Variants in TMEM39A observed in about 807,000 individuals in gnomAD.
TMEM39A encodes the protein transmembrane protein 39A.
TMEM39A carries 19 observed loss-of-function variants against 51.9 expected under a neutral mutation model. That is an observed-to-expected ratio of 0.37 (90% CI 0.26 to 0.54). The LOEUF is 0.54. TMEM39A is among the 20% of genes least tolerant of loss of function. The probability of loss-of-function intolerance (pLI) is 0.88; values close to 1 mark genes in which losing one functional copy is unlikely to be tolerated. For synonymous variants in TMEM39A, 197 were observed against 220.2 expected (o/e 0.89, Z 0.93); for missense variants, 433 against 590.5 (o/e 0.73, Z 2.76).
chr3:119,455,317 G>C (rs2081250312), intron 3 of TMEM39A, among the ~76,000 whole-genome samples: 2 of 152,064 alleles, frequency 1.3e-5, no homozygotes, highest in Non-Finnish European at 2.9e-5. Flanking sequence ...CAGATTCATG[G>C]GCTAAACTCT....
Position 119,434,855 on chromosome 3 carries a change from T to C in TMEM39A, c.1140A>G (p.Gln380=), listed in dbSNP as rs1437327013. ...HIWSENTIWP[Q]GVLVRHSRCL... is the part of the protein sequence containing the mutation. ...ATCTGCTGTGCCGCACCAGCACCCC[T>C]TGAGGCCATATTGTATTTTCTGACC... Residue 380 remains glutamine, a synonymous_variant, in exon 8 of 9, where the codon CAA becomes CAG. Transcript: ENST00000319172. 1 of 1,613,580 alleles carries C rather than the reference T, an allele frequency of 6.2e-7. No homozygotes were observed. Among genetic ancestry groups the C allele is most frequent in the Non-Finnish European group, 8.5e-7 (1 of 1,179,668 alleles).
chr3:119,442,378 C>G lies in TMEM39A; in HGVS notation c.576-4275G>C, dbSNP rs562803028. On this transcript the variant is annotated intron_variant, in intron 5 of 8. Transcript: ENST00000319172. ...AAAAAAAGTACTTACTGCTCATTGA[C>G]AGTGTACCTAGTCACCAAAGGCTCT... 2.0e-5 allele frequency among the ~76,000 whole-genome samples: 3 copies of G among 151,312 alleles called. 1 individual carries two copies. The South Asian group carries it at 6.3e-4, about 32-fold the overall frequency.
In TMEM39A at chr3:119,457,919, A is replaced by T; in HGVS notation, c.336+99T>A. 4.5e-6 allele frequency: 4 copies of T among 889,192 alleles called. No individual in the cohort carries two copies. In the East Asian group the frequency reaches 1.1e-4, roughly 23 times the overall value. 55.1% of individuals were successfully genotyped at this position (889,192 alleles called of 1,614,324 possible). A position where few individuals can be genotyped will look rare whatever the true frequency, so the allele number is the denominator to read the frequency against. Reference sequence around the variant, plus strand: ...GGCCTAGCAGAAAAACATTTTATTAAAAGAAAAATTATTAAGAAAAACAAT... The same window carrying T: ...GGCCTAGCAGAAAAACATTTTATTATAAGAAAAATTATTAAGAAAAACAAT... On this transcript the variant is annotated intron_variant, in intron 3 of 8. Transcript: ENST00000319172.
chr3:119,435,463 GGTTT>G (rs67743552), intron 7 of TMEM39A: 190,664 of 984,634 alleles, frequency 0.19, 19,456 homozygotes, highest in Non-Finnish European at 0.21. Context: ...CTGCTTTCAT[GGTTT>G]ATTTTTATAG....
At chr3:119,438,925 A>G (rs1019534349) in intron 5 of TMEM39A, among the ~76,000 whole-genome samples, 2 of 151,964 alleles carry the variant, frequency 1.3e-5, no homozygotes, top group African/African-American at 4.8e-5. Flanking sequence ...TTCTTAGTCA[A>G]TCTTCCCTTC....
intron 6 of TMEM39A, 32 bp from the exon 7 acceptor site, chr3:119,437,010 C>A: frequency 6.3e-7 from 1 of 1,582,704 alleles, no homozygotes; most frequent in South Asian, 1.1e-5. Flanking sequence ...AGAAATGATC[C>A]ATGCACTGGT....
At chr3:119,437,482 T>C (rs1211603507) in intron 6 of TMEM39A, among the ~76,000 whole-genome samples, 1 of 149,480 alleles carries the variant, frequency 6.7e-6, no homozygotes, top group Non-Finnish European at 1.5e-5. Context: ...ACTGATTCTA[T>C]TATAAGTACA....
chr3:119,450,075 A>G (rs1262582492), intron 4 of TMEM39A, among the ~76,000 whole-genome samples: 1 of 152,234 alleles, frequency 6.6e-6, no homozygotes, highest in Non-Finnish European at 1.5e-5. Context: ...TATCCATCTA[A>G]TTTAGATATT....
At chr3:119,458,464 T>C (rs930315627) in intron 2 of TMEM39A, among the ~76,000 whole-genome samples, 7 of 152,196 alleles carry the variant, frequency 4.6e-5, no homozygotes, top group African/African-American at 1.7e-4. Context: ...TTTCTCTCCA[T>C]AGAGCTCACT....
intron 3 of TMEM39A, among the ~76,000 whole-genome samples, chr3:119,456,329 G>A (rs1261952022): frequency 6.6e-6 from 1 of 152,098 alleles, no homozygotes; most frequent in African/African-American, 2.4e-5. Flanking sequence ...CTATATCATT[G>A]CAATTTTTCA....
rs202214869 is a variant in TMEM39A, at chr3:119,431,955, G to C, written c.*26C>G. ...AACGTATGAAAATATTTTTATCTGA[G>C]TTCTCCCTCATTGTTGAGAGGCAGC... On this transcript the variant is annotated 3_prime_UTR_variant, in exon 9 of 9. Transcript: ENST00000319172. 1.7e-4 allele frequency: 243 copies of C among 1,437,880 alleles called. No homozygotes were observed. The African/African-American group carries it at 2.9e-3, about 17-fold the overall frequency. The allele number at this position is 1,437,880 out of a possible 1,614,324, so 89.1% of individuals were successfully genotyped here. A position where few individuals can be genotyped will look rare whatever the true frequency, so the allele number is the denominator to read the frequency against.
intron 2 of TMEM39A, among the ~76,000 whole-genome samples, chr3:119,458,845 AGGT>A (rs2081299993): frequency 6.6e-6 from 1 of 152,200 alleles, no homozygotes; most frequent in Non-Finnish European, 1.5e-5. Flanking sequence ...TGGTGAGCTG[AGGT>A]AGCACCATTG....
intron 3 of TMEM39A, among the ~76,000 whole-genome samples, chr3:119,454,711 C>G (rs576631325): frequency 6.6e-6 from 1 of 152,144 alleles, no homozygotes; most frequent in East Asian, 1.9e-4. Context: ...AATCGCTGAA[C>G]CAGGGAGTCG....
intron 5 of TMEM39A, among the ~76,000 whole-genome samples, chr3:119,440,789 C>T (rs1356966009): frequency 1.3e-5 from 2 of 152,050 alleles, no homozygotes; most frequent in African/African-American, 4.8e-5. Context: ...ACAGGCATAC[C>T]TCATTTTATT....
At chr3:119,449,375 A>C (rs2081168814) in intron 4 of TMEM39A, among the ~76,000 whole-genome samples, 3 of 152,062 alleles carry the variant, frequency 2.0e-5, no homozygotes, top group Non-Finnish European at 4.4e-5. Context: ...GGAGTTTGAG[A>C]CCAACCTGGC....
At chr3:119,446,394 T>C (rs1313154300) in intron 5 of TMEM39A, among the ~76,000 whole-genome samples, 2 of 152,342 alleles carry the variant, frequency 1.3e-5, no homozygotes, top group Non-Finnish European at 2.9e-5. Context: ...ACAGGTAGCA[T>C]GCACGGCACA....
Position 119,431,738 on chromosome 3 carries a change from C to T in TMEM39A, c.*243G>A. 1 of 306,400 alleles carries T rather than the reference C, an allele frequency of 3.3e-6. No homozygotes were observed. Among genetic ancestry groups the T allele is most frequent in the South Asian group, 7.0e-5 (1 of 14,288 alleles). The allele number at this position is 306,400 out of a possible 1,614,324, so 19.0% of individuals were successfully genotyped here. A position where few individuals can be genotyped will look rare whatever the true frequency, so the allele number is the denominator to read the frequency against. On this transcript the variant is annotated 3_prime_UTR_variant, in exon 9 of 9. Coordinates refer to ENST00000319172, the MANE Select transcript of TMEM39A (RefSeq NM_018266.3). Reference sequence around the variant, plus strand: ...ATGAGTTATTCCAGAGCCATACAAACAAATCAATCTCTTTACTGGACAGGC... The same window carrying T: ...ATGAGTTATTCCAGAGCCATACAAATAAATCAATCTCTTTACTGGACAGGC...
chr3:119,439,527 C>T (rs555267665), intron 5 of TMEM39A, among the ~76,000 whole-genome samples: 1 of 68,842 alleles, frequency 1.5e-5, no homozygotes, highest in Admixed American at 1.2e-4. Context: ...TTGCAGTGAG[C>T]CGAGACTGCA....
At chr3:119,461,713 G>A (rs1047774617) in intron 2 of TMEM39A, among the ~76,000 whole-genome samples, 11 of 152,194 alleles carry the variant, frequency 7.2e-5, no homozygotes, top group African/African-American at 2.6e-4. Context: ...GATAAAAAGG[G>A]GATAACAAGA....
Sources: allele counts gnomAD v4.1 joint callset (sites outside exome capture counted in the v4.1 genomes callset), GRCh38; gene constraint gnomAD v4.1.1; transcripts MANE v1.5; gene names NCBI Gene and HGNC (gene_info 2026-07-23, HGNC 2026-07-21).